DTD1: variants seen among roughly 807,000 people sequenced by gnomAD.
The protein encoded by DTD1 is D-aminoacyl-tRNA deacylase 1, also known as D-tyrosyl-tRNA deacylase 1 homolog.
DTD1 carries 13 observed loss-of-function variants against 25.6 expected under a neutral mutation model. That is an observed-to-expected ratio of 0.51 (90% CI 0.33 to 0.81). DTD1 has a LOEUF of 0.81. Ranked by LOEUF, DTD1 falls within the 30% of genes least tolerant of loss-of-function variation. The pLI, the probability that DTD1 is intolerant of heterozygous loss-of-function variation, is 0.02. For missense variants in DTD1, 193 were observed against 266.4 expected (o/e 0.72, Z 1.92); for synonymous variants, 110 against 103.6 (o/e 1.06, Z -0.37).
At chr20:18,728,411 C>T (rs1451356679) in intron 4 of DTD1, among the ~76,000 whole-genome samples, 5 of 152,204 alleles carry the variant, frequency 3.3e-5, no homozygotes, top group Admixed American at 2.6e-4. Context: ...TCTAGCCCAG[C>T]GCTTCCTAAA....
At chr20:18,645,365 G>C (rs1245451232) in intron 4 of DTD1, among the ~76,000 whole-genome samples, 4 of 152,236 alleles carry the variant, frequency 2.6e-5, no homozygotes, top group Non-Finnish European at 5.9e-5. Context: ...GGAGAAATCT[G>C]TGTGTAACTC....
chr20:18,629,839 A>G (rs1215122818), intron 4 of DTD1, among the ~76,000 whole-genome samples: 1 of 152,030 alleles, frequency 6.6e-6, no homozygotes, highest in Non-Finnish European at 1.5e-5. Flanking sequence ...CAGAGCAGAA[A>G]TAAGAGAAAG....
At chr20:18,759,623 TCCCTTTGTGGGTAA>T (rs1171615458) in intron 5 of DTD1, among the ~76,000 whole-genome samples, 2 of 152,244 alleles carry the variant, frequency 1.3e-5, no homozygotes, top group Non-Finnish European at 2.9e-5. Flanking sequence ...CTGATGGGCT[TCCCTTTGTGGGTAA>T]CCCAACCTTT....
intron 1 of DTD1, chr20:18,592,526 G>A (rs929097942): frequency 1.3e-5 from 2 of 152,086 alleles, no homozygotes; most frequent in African/African-American, 2.4e-5. Context: ...TGGACATAGA[G>A]CAGGTCAGAA....
At chr20:18,614,210 T>G (rs1408864612) in intron 3 of DTD1, among the ~76,000 whole-genome samples, 1 of 152,144 alleles carries the variant, frequency 6.6e-6, no homozygotes, top group Non-Finnish European at 1.5e-5. Flanking sequence ...AGCATGCTCC[T>G]GCTCAAGCAC....
rs2061373241 is a variant in DTD1, at chr20:18,764,182, A to C, written c.*842A>C. ...AGAATGGCCACACTGTTCTGAGACC[A>C]AGTGTGGAGCCACATCTGGTGTATC... On this transcript the variant is annotated 3_prime_UTR_variant, in exon 6 of 6. Coordinates refer to ENST00000377452, the MANE Select transcript of DTD1 (RefSeq NM_080820.6). 1 of 152,226 alleles carries C rather than the reference A, an allele frequency of 6.6e-6. No individual in the cohort carries two copies. Among genetic ancestry groups the C allele is most frequent in the African/African-American group, 2.4e-5 (1 of 41,452 alleles). 9.4% of individuals were successfully genotyped at this position (152,226 alleles called of 1,614,324 possible). A position where few individuals can be genotyped will look rare whatever the true frequency, so the allele number is the denominator to read the frequency against.
chr20:18,590,574 G>A (rs1456659422), intron 1 of DTD1, among the ~76,000 whole-genome samples: 5 of 152,106 alleles, frequency 3.3e-5, no homozygotes, highest in Non-Finnish European at 4.4e-5. Context: ...GGGTTCAAGC[G>A]ATTCTCATGC....
At position 18,763,689 on chromosome 20, in the gene DTD1, A is replaced by T. The variant is rs555629314; in HGVS notation, c.*349A>T. Reference sequence around the variant, plus strand: ...ACAGGCTGGCCCAGCATCATTTGTCATCAAGTCCACTGTGGTGTATTCTGC... The same window carrying T: ...ACAGGCTGGCCCAGCATCATTTGTCTTCAAGTCCACTGTGGTGTATTCTGC... On this transcript the variant is annotated 3_prime_UTR_variant, in exon 6 of 6. Coordinates refer to ENST00000377452, the MANE Select transcript of DTD1 (RefSeq NM_080820.6). The T allele has an allele frequency of 6.6e-6, 1 of 152,636 alleles. No individual in the cohort carries two copies. The highest frequency in any genetic ancestry group is 1.5e-5 in the Non-Finnish European group (1 of 68,054). The allele number at this position is 152,636 out of a possible 1,614,324, so 9.5% of individuals were successfully genotyped here. A position where few individuals can be genotyped will look rare whatever the true frequency, so the allele number is the denominator to read the frequency against.
At chr20:18,649,561 TCTC>T (rs1330148835) in intron 4 of DTD1, among the ~76,000 whole-genome samples, 1 of 151,876 alleles carries the variant, frequency 6.6e-6, no homozygotes, top group Non-Finnish European at 1.5e-5. Flanking sequence ...ATGGTCTCAA[TCTC>T]CTGACCTCGT....
At chr20:18,707,775 A>T (rs1310820569) in intron 4 of DTD1, among the ~76,000 whole-genome samples, 3 of 152,002 alleles carry the variant, frequency 2.0e-5, no homozygotes, top group African/African-American at 7.3e-5. Context: ...ACACACACTC[A>T]CACACTCTCT....
intron 5 of DTD1, among the ~76,000 whole-genome samples, chr20:18,748,974 C>T (rs1307333535): frequency 1.3e-5 from 2 of 152,166 alleles, no homozygotes; most frequent in Non-Finnish European, 2.9e-5. Context: ...GTCAAGTTCA[C>T]TGCAGCCATG....
intron 4 of DTD1, among the ~76,000 whole-genome samples, chr20:18,654,720 T>C (rs1292526980): frequency 6.6e-6 from 1 of 152,170 alleles, no homozygotes; most frequent in Non-Finnish European, 1.5e-5. Flanking sequence ...CTCCAGAACC[T>C]GTATTTTTCT....
At chr20:18,717,200 G>C (rs2061184364) in intron 4 of DTD1, among the ~76,000 whole-genome samples, 1 of 152,190 alleles carries the variant, frequency 6.6e-6, no homozygotes, top group South Asian at 2.1e-4. Flanking sequence ...ACTGCTCACG[G>C]GAGATAATTA....
chr20:18,755,879 TC>T (rs1230505371), intron 5 of DTD1, among the ~76,000 whole-genome samples: 1 of 152,134 alleles, frequency 6.6e-6, no homozygotes, highest in Admixed American at 6.5e-5. Context: ...TAGTTTACAG[TC>T]CCACCAACAG....
chr20:18,754,406 C>G (rs1166226347), intron 5 of DTD1, among the ~76,000 whole-genome samples: 1 of 152,210 alleles, frequency 6.6e-6, no homozygotes, highest in Non-Finnish European at 1.5e-5. Context: ...TTACTACTGC[C>G]TGTCAGGTGT....
chr20:18,722,816 A>G (rs757014563), intron 4 of DTD1, among the ~76,000 whole-genome samples: 2 of 152,192 alleles, frequency 1.3e-5, no homozygotes, highest in Non-Finnish European at 2.9e-5. Context: ...TTTGGAAATC[A>G]TCATTCAGAT....
intron 5 of DTD1, among the ~76,000 whole-genome samples, 187 bp from the exon 6 acceptor site, chr20:18,763,173 G>A (rs1182337587): frequency 2.6e-5 from 4 of 152,118 alleles, no homozygotes; most frequent in Non-Finnish European, 4.4e-5. Context: ...TGAGGAGAAG[G>A]TATTTGGGTT....
At chr20:18,759,655 G>T (rs1011931789) in intron 5 of DTD1, among the ~76,000 whole-genome samples, 5 of 152,122 alleles carry the variant, frequency 3.3e-5, no homozygotes, top group African/African-American at 1.2e-4. Flanking sequence ...TTTCTCTCTG[G>T]CTGCCCTTAA....
At chr20:18,715,456 C>A (rs943162014) in intron 4 of DTD1, among the ~76,000 whole-genome samples, 1 of 152,144 alleles carries the variant, frequency 6.6e-6, no homozygotes, top group South Asian at 2.1e-4. Context: ...TGGTGTCTGG[C>A]CGTGTACTGG....
Sources: allele counts gnomAD v4.1 joint callset (sites outside exome capture counted in the v4.1 genomes callset), GRCh38; gene constraint gnomAD v4.1.1; transcripts MANE v1.5; gene names NCBI Gene and HGNC (gene_info 2026-07-23, HGNC 2026-07-21).